The following AFF4 variants were observed in gnomAD, a reference collection of about 807,000 sequenced individuals.
The protein encoded by AFF4 is ALF transcription elongation factor 4.
Under a neutral mutation model 124.8 loss-of-function variants are expected in AFF4, and 13 were observed. The ratio of observed to expected loss-of-function variants is 0.10; its 90% CI spans 0.07 to 0.17. AFF4 has a LOEUF of 0.17. Among genes scored for constraint, AFF4 ranks in the 10% least tolerant of loss-of-function variants. AFF4 has a pLI of 1.00. For synonymous variants in AFF4, 477 were observed against 496.1 expected, an observed-to-expected ratio of 0.96 and a Z score of 0.51; for missense variants, 1,092 against 1,403.8, an observed-to-expected ratio of 0.78 and a Z score of 3.55.
intron 1 of AFF4, among the ~76,000 whole-genome samples, chr5:132,954,705 G>A (rs1229824842): frequency 1.3e-5 from 2 of 151,592 alleles, no homozygotes; most frequent in Admixed American, 1.3e-4. Flanking sequence ...CCGCCACTAC[G>A]CCTGGCTAAT....
rs892684980 is a variant in AFF4 at position 132,898,883 on chromosome 5, T to G, written c.1226+221A>C. Among the ~76,000 whole-genome samples the G allele has an allele frequency of 3.9e-5, 6 of 152,278 alleles. 1 individual carries two copies. Among genetic ancestry groups the G allele is most frequent in the Admixed American group, 2.6e-4 (4 of 15,292 alleles). ...AATGAGTAATTCTTTTTAAAGTTTC[T>G]GATGTGCTACTTAGCTATTAATACT... On this transcript the variant is annotated intron_variant, in intron 9 of 20. Transcript: ENST00000265343.
Position 132,937,303 on chromosome 5 carries a change from C to T in AFF4, c.-4-110G>A, listed in dbSNP as rs1761454908. The stretch of plus-strand genomic sequence containing the variant: ...CAATCACAGATTCCCTTTTGACCTC[C>T]AAGTAATAACAGGCATTAGTGCTGA... On this transcript the variant is annotated intron_variant, in intron 1 of 20. Transcript: ENST00000265343. The T allele has an allele frequency of 1.1e-5, 14 of 1,296,358 alleles. No homozygotes were observed. In the South Asian group the frequency reaches 2.2e-4, roughly 20 times the overall value. The allele number at this position is 1,296,358 out of a possible 1,614,324, so 80.3% of individuals were successfully genotyped here.
At chr5:132,956,161 G>C (rs1043892692) in intron 1 of AFF4, among the ~76,000 whole-genome samples, 2 of 151,924 alleles carry the variant, frequency 1.3e-5, no homozygotes, top group African/African-American at 2.4e-5. Flanking sequence ...ACTAAGGCTG[G>C]ATTCAACAAA....
intron 2 of AFF4, 46 bp from the exon 3 acceptor site, chr5:132,934,987 A>C: frequency 1.4e-6 from 2 of 1,403,038 alleles, no homozygotes; most frequent in Non-Finnish European, 1.9e-6. Flanking sequence ...GAGCATAATC[A>C]GAAATAAAAT....
At chr5:132,927,497 T>C (rs951243204) in intron 4 of AFF4, 3 of 298,800 alleles carry the variant, frequency 1.0e-5, no homozygotes, top group Non-Finnish European at 1.9e-5. Context: ...AATAAAACGC[T>C]AATCAGGAAG....
chr5:132,923,034 G>A (rs1048992919), intron 5 of AFF4, among the ~76,000 whole-genome samples: 3 of 151,986 alleles, frequency 2.0e-5, no homozygotes, highest in Non-Finnish European at 2.9e-5. Flanking sequence ...AAAGTAGCCG[G>A]GCGTGGTGGT....
Position 132,960,348 on chromosome 5 carries a change from T to G in AFF4, c.-5+2911A>C, listed in dbSNP as rs78459747. On this transcript the variant is annotated intron_variant, in intron 1 of 20. Coordinates refer to ENST00000265343, the MANE Select transcript of AFF4 (RefSeq NM_014423.4). ...AAAAAAAATCTAAGTCATCAATTTTTTATAGTACATGCTGTACTTCTGGGT... is the reference window on the plus strand; with the variant it reads ...AAAAAAAATCTAAGTCATCAATTTTGTATAGTACATGCTGTACTTCTGGGT... Among the ~76,000 whole-genome samples, 688 of 152,342 alleles carry G rather than the reference T, an allele frequency of 4.5e-3. 9 individuals are homozygous for G. Among genetic ancestry groups the G allele is most frequent in the African/African-American group, 0.016 (671 of 41,588 alleles).
chr5:132,939,496 A>G (rs1761515710), intron 1 of AFF4, among the ~76,000 whole-genome samples: 1 of 152,258 alleles, frequency 6.6e-6, no homozygotes, highest in Non-Finnish European at 1.5e-5. Flanking sequence ...CCAGGCTTCA[A>G]ATAGGCCTCT....
intron 1 of AFF4, among the ~76,000 whole-genome samples, chr5:132,949,708 G>A (rs943103408): frequency 2.4e-4 from 36 of 148,082 alleles, no homozygotes; most frequent in African/African-American, 8.3e-4. Context: ...ACACGCGCGC[G>A]CGCGCGCGCC....
chr5:132,892,075 T>TA, intron 13 of AFF4, 89 bp downstream of exon 13: 2 of 1,578,492 alleles, frequency 1.3e-6, no homozygotes, highest in Non-Finnish European at 1.7e-6. Context: ...ACTGAGATGT[T>TA]ACAATAATTT....
At chr5:132,933,687 T>C (rs577958250) in intron 3 of AFF4, among the ~76,000 whole-genome samples, 5 of 152,354 alleles carry the variant, frequency 3.3e-5, no homozygotes, top group African/African-American at 7.2e-5. Flanking sequence ...AAAAGGATCA[T>C]AGCATTCAAA....
At chr5:132,917,720 T>C (rs1448008958) in intron 5 of AFF4, among the ~76,000 whole-genome samples, 1 of 138,748 alleles carries the variant, frequency 7.2e-6, no homozygotes, top group Admixed American at 7.2e-5. Flanking sequence ...TTTTTTTTTT[T>C]TTTTTTTTTT....
Position 132,924,745 on chromosome 5 carries a change from C to T in AFF4, c.1050+2376G>A, listed in dbSNP as rs1377597072. 2.0e-5 allele frequency among the ~76,000 whole-genome samples: 3 copies of T among 151,700 alleles called. No individual in the cohort carries two copies. In the East Asian group the frequency reaches 5.8e-4, roughly 29 times the overall value. On this transcript the variant is annotated intron_variant, in intron 5 of 20. Coordinates refer to ENST00000265343, the MANE Select transcript of AFF4 (RefSeq NM_014423.4). ...TGGCGTGTGCCTGTAATCTCAGCTA[C>T]TCAAGAAGATGAGGCAGGAAAATCG...
chr5:132,909,754 A>G (rs1760751771), intron 5 of AFF4, among the ~76,000 whole-genome samples: 1 of 152,228 alleles, frequency 6.6e-6, no homozygotes, highest in African/African-American at 2.4e-5. Context: ...TTCTGGCTTC[A>G]ACATCATTGT....
rs1759836246 is a variant in AFF4, at chr5:132,876,209, C to G, written c.*4850G>C. 1 of 220,772 alleles carries G rather than the reference C, an allele frequency of 4.5e-6. No homozygotes were observed. The highest frequency in any genetic ancestry group is 9.1e-6 in the Non-Finnish European group (1 of 110,080). The allele number at this position is 220,772 out of a possible 1,614,324, so 13.7% of individuals were successfully genotyped here. ...GTTGGTGAGCCCCCTACCCCCACCC[C>G]ACCCATCCCAGTACTGTTGAATGCT... On this transcript the variant is annotated 3_prime_UTR_variant, in exon 21 of 21. Coordinates refer to ENST00000265343, the MANE Select transcript of AFF4 (RefSeq NM_014423.4).
intron 1 of AFF4, among the ~76,000 whole-genome samples, chr5:132,950,389 C>T (rs769456272): frequency 2.0e-5 from 3 of 152,224 alleles, no homozygotes; most frequent in Admixed American, 6.5e-5. Context: ...GCAGGAGAAT[C>T]GCTTGAACGG....
Position 132,896,836 on chromosome 5 carries a change from G to A in AFF4, c.1794C>T (p.Ser598=), listed in dbSNP as rs1452782219. ...CTTTGGTGGCTGCTTTGTGTCTGCT[G>A]GAGGGCATGCTGCTAGCCAAGTCTA... ...TPVDLASSMP[S]SRHKAATKGS... is the part of the protein sequence containing the mutation. The change falls in exon 11 of 21, where the codon TCC becomes TCT. Residue 598 remains serine (S), a synonymous_variant. Coordinates refer to ENST00000265343, the MANE Select transcript of AFF4 (RefSeq NM_014423.4). 2 of 1,614,016 alleles carry A rather than the reference G, an allele frequency of 1.2e-6. No individual in the cohort carries two copies. Among genetic ancestry groups the A allele is most frequent in the African/African-American group, 1.3e-5 (1 of 74,982 alleles).
rs559744724 is a variant in AFF4 at position 132,931,899 on chromosome 5, G to A, written c.963+279C>T. Among the ~76,000 whole-genome samples the A allele has an allele frequency of 2.8e-4, 42 of 151,992 alleles. 1 individual carries two copies. The highest frequency in any genetic ancestry group is 2.5e-4 in the Non-Finnish European group (17 of 67,940). On this transcript the variant is annotated intron_variant, in intron 4 of 20. Coordinates refer to ENST00000265343, the MANE Select transcript of AFF4 (RefSeq NM_014423.4). ...GTGGAGGTTGCAGTGAGCCAAGATC[G>A]CGCCACTGCACTCCAGGCTGGGCGA...
chr5:132,934,063 AGT>A, intron 3 of AFF4, 82 bp downstream of exon 3: 1 of 1,402,670 alleles, frequency 7.1e-7, no homozygotes, highest in Non-Finnish European at 9.7e-7. Context: ...GCAAGGAAGC[AGT>A]GTTCAAGTTC....
Sources: allele counts gnomAD v4.1 joint callset (sites outside exome capture counted in the v4.1 genomes callset), GRCh38; gene constraint gnomAD v4.1.1; transcripts MANE v1.5; gene names NCBI Gene and HGNC (gene_info 2026-07-23, HGNC 2026-07-21).